NETO1: variants seen among roughly 807,000 people sequenced by gnomAD.
NETO1 encodes the protein neuropilin and tolloid like 1.
Under a neutral mutation model 61.3 loss-of-function variants are expected in NETO1, and 26 were observed. The ratio of observed to expected loss-of-function variants is 0.42; its 90% confidence interval spans 0.31 to 0.59. The LOEUF (loss-of-function observed/expected upper bound fraction) is 0.59. Among genes scored for constraint, NETO1 ranks in the 20% least tolerant of loss-of-function variants. The pLI is 0.12. For synonymous variants in NETO1, 225 were observed against 225.8 expected (o/e 1.00, Z 0.03); for missense variants, 531 against 662.8 (o/e 0.80, Z 2.18).
intron 7 of NETO1, among the ~76,000 whole-genome samples, chr18:72,782,397 G>C (rs2071773257): frequency 1.3e-5 from 2 of 152,112 alleles, no homozygotes. Context: ...GATCTGTTTT[G>C]CCAAACTGCT....
intron 6 of NETO1, among the ~76,000 whole-genome samples, chr18:72,786,263 G>T (rs1305819125): frequency 6.6e-6 from 1 of 152,104 alleles, no homozygotes; most frequent in Non-Finnish European, 1.5e-5. Flanking sequence ...GTATAGCATA[G>T]ATCTAAATTA....
At chr18:72,790,094 A>G (rs576423715) in intron 6 of NETO1, among the ~76,000 whole-genome samples, 94 of 152,324 alleles carry the variant, frequency 6.2e-4, no homozygotes, top group Middle Eastern at 3.4e-3. Flanking sequence ...AATTGAGTCA[A>G]CTTTAAATAT....
At chr18:72,852,696 T>TC (rs1404800161) in intron 4 of NETO1, among the ~76,000 whole-genome samples, 1 of 151,872 alleles carries the variant, frequency 6.6e-6, no homozygotes. Flanking sequence ...TCCTCATCCC[T>TC]CCTCCTGAGC....
intron 4 of NETO1, among the ~76,000 whole-genome samples, chr18:72,797,130 T>C (rs1263708287): frequency 1.3e-5 from 2 of 152,216 alleles, no homozygotes; most frequent in Admixed American, 1.3e-4. Context: ...TGCTTAATTA[T>C]ATTCATAATT....
intron 4 of NETO1, among the ~76,000 whole-genome samples, chr18:72,837,622 A>G (rs1305392992): frequency 1.3e-5 from 2 of 152,204 alleles, no homozygotes; most frequent in Non-Finnish European, 2.9e-5. Flanking sequence ...TAATTATAAT[A>G]TAGGAATATA....
intron 4 of NETO1, among the ~76,000 whole-genome samples, chr18:72,795,668 C>T (rs950353319): frequency 1.8e-4 from 27 of 151,904 alleles, no homozygotes; most frequent in African/African-American, 4.8e-4. Flanking sequence ...TGATACGTGA[C>T]GTTTTGATAT....
chr18:72,847,974 C>T (rs1407719999), intron 4 of NETO1, among the ~76,000 whole-genome samples: 1 of 152,186 alleles, frequency 6.6e-6, no homozygotes, highest in African/African-American at 2.4e-5. Flanking sequence ...AGACTTCCCA[C>T]ATTCCAGGGC....
rs574078336 is a variant in NETO1, at chr18:72,755,939, C to T, written c.982+95G>A. 1.4e-3 allele frequency: 907 copies of T among 654,290 alleles called. 1 individual carries two copies. Among genetic ancestry groups the T allele is most frequent in the Non-Finnish European group, 1.7e-3 (618 of 358,256 alleles). The allele number at this position is 654,290 out of a possible 1,614,324, so 40.5% of individuals were successfully genotyped here. On this transcript the variant is annotated intron_variant, in intron 8 of 10. Transcript: ENST00000327305. ...CGGTGGTCATAAAAGGCACTATACA[C>T]TCTTATTTTAAAGACTGTCTGATTG...
chr18:72,846,533 A>AAAAAAAAAAAAAAAAAAAT (rs2074093416), intron 4 of NETO1, among the ~76,000 whole-genome samples: 1 of 149,508 alleles, frequency 6.7e-6, no homozygotes, highest in Non-Finnish European at 1.5e-5. Flanking sequence ...AAAAAAAAAA[A>AAAAAAAAAAAAAAAAAAAT]AGAAGATGCA....
At chr18:72,775,129 G>A (rs897002615) in intron 7 of NETO1, among the ~76,000 whole-genome samples, 1 of 152,170 alleles carries the variant, frequency 6.6e-6, no homozygotes, top group African/African-American at 2.4e-5. Context: ...AAAGTCGGTC[G>A]AGGCAGCAGT....
Position 72,846,504 on chromosome 18 carries a change from C to CAAAAAAAAAAAAAAAAAAAAAAAAA in NETO1, c.469+12297_469+12321dup, listed in dbSNP as rs35252443. Among the ~76,000 whole-genome samples, 2 of 13,000 alleles carry CAAAAAAAAAAAAAAAAAAAAAAAAA rather than the reference C, an allele frequency of 1.5e-4. 1 individual carries two copies. The highest frequency in any genetic ancestry group is 6.1e-4 in the African/African-American group (2 of 3,278). The allele number at this position is 13,000 out of a possible 152,430, so 8.5% of individuals were successfully genotyped here. A position where few individuals can be genotyped will look rare whatever the true frequency, so the allele number is the denominator to read the frequency against. ...TGGGCAATGGAGTGAGACTTCATCTCAAAAAAAAAAAAAAAAAAAAAAAAA... is the reference window on the plus strand; with the variant it reads ...TGGGCAATGGAGTGAGACTTCATCTCAAAAAAAAAAAAAAAAAAAAAAAAAAAAAAAAAAAAAAAAAAAAAAAAAA... On this transcript the variant is annotated intron_variant, in intron 4 of 10. Transcript: ENST00000327305.
chr18:72,827,758 C>T (rs2073431144), intron 4 of NETO1, among the ~76,000 whole-genome samples: 1 of 149,472 alleles, frequency 6.7e-6, no homozygotes, highest in South Asian at 2.1e-4. Context: ...AAAAGGATTA[C>T]AGGAAATTGT....
intron 6 of NETO1, among the ~76,000 whole-genome samples, chr18:72,792,120 G>GA (rs1013111273): frequency 6.6e-6 from 1 of 152,184 alleles, no homozygotes; most frequent in Admixed American, 6.5e-5. Flanking sequence ...GTCAAGTGAA[G>GA]AAAGACCAGT....
chr18:72,813,335 G>A (rs2072929409), intron 4 of NETO1, among the ~76,000 whole-genome samples: 1 of 152,146 alleles, frequency 6.6e-6, no homozygotes, highest in South Asian at 2.1e-4. Context: ...ACTACTTTCT[G>A]CAGGAATATA....
At chr18:72,774,580 ATG>A (rs1012344473) in intron 7 of NETO1, among the ~76,000 whole-genome samples, 35 of 152,204 alleles carry the variant, frequency 2.3e-4, no homozygotes, top group African/African-American at 8.4e-4. Context: ...CTAATAATCA[ATG>A]TAAGAATTAT....
chr18:72,846,597 A>C (rs1453852225), intron 4 of NETO1, among the ~76,000 whole-genome samples: 1 of 150,560 alleles, frequency 6.6e-6, no homozygotes, highest in Non-Finnish European at 1.5e-5. Context: ...AATTGAAATA[A>C]TGTCAAAGGT....
At chr18:72,778,362 ATGAAT>A (rs2071627915) in intron 7 of NETO1, among the ~76,000 whole-genome samples, 1 of 152,206 alleles carries the variant, frequency 6.6e-6, no homozygotes, top group Non-Finnish European at 1.5e-5. Context: ...TCTTTACAAT[ATGAAT>A]AGGCTGAGAA....
chr18:72,818,026 A>G (rs551496158), intron 4 of NETO1, among the ~76,000 whole-genome samples: 39 of 152,332 alleles, frequency 2.6e-4, no homozygotes, highest in Non-Finnish European at 5.6e-4. Context: ...GGGCTTATAA[A>G]AATCTTGCAC....
intron 7 of NETO1, among the ~76,000 whole-genome samples, chr18:72,762,930 A>C (rs1221235896): frequency 1.3e-5 from 2 of 152,204 alleles, no homozygotes; most frequent in Admixed American, 1.3e-4. Flanking sequence ...ACTCAAAATA[A>C]AGGTAGATTT....
Sources: allele counts gnomAD v4.1 joint callset (sites outside exome capture counted in the v4.1 genomes callset), GRCh38; gene constraint gnomAD v4.1.1; transcripts MANE v1.5; gene names NCBI Gene and HGNC (gene_info 2026-07-23, HGNC 2026-07-21).